TFDP1: variants seen among roughly 807,000 people sequenced by gnomAD.
TFDP1 encodes DRTF1-polypeptide 1.
In TFDP1, 6 loss-of-function variants were observed where a neutral mutation model predicts 48.0. That is an observed-to-expected ratio of 0.13 (90% confidence interval 0.07 to 0.25). The LOEUF is 0.25. Among genes scored for constraint, TFDP1 ranks in the 10% least tolerant of loss-of-function variants. The pLI is 1.00. For synonymous variants in TFDP1, 201 were observed against 211.6 expected (o/e 0.95, Z 0.44); for missense variants, 335 against 543.0 (o/e 0.62, Z 3.81).
rs569107455 is a variant in TFDP1, at chr13:113,589,065, G to C, written c.12+3216G>C. Among the ~76,000 whole-genome samples, 47 of 152,084 alleles carry C rather than the reference G, an allele frequency of 3.1e-4. 1 individual carries two copies. Among genetic ancestry groups the C allele is most frequent in the Admixed American group, 7.2e-4 (11 of 15,268 alleles). On this transcript the variant is annotated intron_variant, in intron 2 of 11. Transcript: ENST00000375370. ...AGTGAGTGGCGGTGCTGGAGTGGGTGATGTAGGGTCACAGAAGGAGGAAAC... is the reference window on the plus strand; with the variant it reads ...AGTGAGTGGCGGTGCTGGAGTGGGTCATGTAGGGTCACAGAAGGAGGAAAC...
Position 113,629,756 on chromosome 13 carries a change from G to A in TFDP1, c.187-1867G>A, listed in dbSNP as rs946249305. On this transcript the variant is annotated intron_variant, in intron 4 of 11. Coordinates refer to ENST00000375370, the MANE Select transcript of TFDP1 (RefSeq NM_007111.5). ...TCGGGATGTTCCTTGTAAGTTCCTC[G>A]TTGTAAGTCAGTTCCTCGTTGTAAG... is the stretch of plus-strand genomic sequence containing the variant. Among the ~76,000 whole-genome samples the A allele has an allele frequency of 2.8e-5, 4 of 144,988 alleles. No homozygotes were observed. The South Asian group carries it at 6.2e-4, about 23-fold the overall frequency.
intron 1 of TFDP1, 76 bp downstream of exon 1, chr13:113,584,964 T>A (rs946581174): frequency 6.2e-5 from 9 of 145,034 alleles, no homozygotes; most frequent in African/African-American, 2.2e-4. Context: ...GGCCACCCCA[T>A]CCCTTGCCCC....
At chr13:113,621,690 A>G (rs990578340) in intron 3 of TFDP1, among the ~76,000 whole-genome samples, 1 of 152,240 alleles carries the variant, frequency 6.6e-6, no homozygotes, top group Non-Finnish European at 1.5e-5. Flanking sequence ...GTCTAGCGGT[A>G]ACGCCAGCGT....
intron 3 of TFDP1, among the ~76,000 whole-genome samples, chr13:113,612,090 CTGGG>C (rs1274637132): frequency 6.6e-6 from 1 of 152,226 alleles, no homozygotes; most frequent in Non-Finnish European, 1.5e-5. Context: ...TGCCATGGCT[CTGGG>C]GCGTGGGAGT....
intron 2 of TFDP1, among the ~76,000 whole-genome samples, chr13:113,595,877 T>G (rs1221490031): frequency 6.6e-6 from 1 of 152,160 alleles, no homozygotes; most frequent in African/African-American, 2.4e-5. Context: ...GGTCAGGATA[T>G]CGAGACCATC....
At chr13:113,592,403 C>T (rs958856332) in intron 2 of TFDP1, among the ~76,000 whole-genome samples, 3 of 152,228 alleles carry the variant, frequency 2.0e-5, no homozygotes, top group Admixed American at 2.0e-4. Context: ...GTGATCCGCC[C>T]GCCTTGGCCT....
At chr13:113,593,003 G>A (rs1471651194) in intron 2 of TFDP1, among the ~76,000 whole-genome samples, 4 of 148,624 alleles carry the variant, frequency 2.7e-5, no homozygotes, top group Admixed American at 1.3e-4. Context: ...CTGTGCACGC[G>A]TCCTCAGCTA....
intron 3 of TFDP1, among the ~76,000 whole-genome samples, chr13:113,622,839 A>G (rs2049028126): frequency 6.6e-6 from 1 of 152,270 alleles, no homozygotes; most frequent in South Asian, 2.1e-4. Flanking sequence ...TTCTAGTTTT[A>G]AAATTCTGTT....
At chr13:113,587,518 TC>T (rs1242035676) in intron 2 of TFDP1, among the ~76,000 whole-genome samples, 2 of 139,410 alleles carry the variant, frequency 1.4e-5, no homozygotes, top group Non-Finnish European at 3.1e-5. Flanking sequence ...AGAGTCTCAC[TC>T]TGTCTCCCAA....
Position 113,640,686 on chromosome 13 carries a change from T to A in TFDP1, c.*419T>A, listed in dbSNP as rs897571382. The A allele has an allele frequency of 1.6e-5, 4 of 251,622 alleles. No individual in the cohort carries two copies. The highest frequency in any genetic ancestry group is 9.5e-5 in the African/African-American group (4 of 42,070). 15.6% of individuals were successfully genotyped at this position (251,622 alleles called of 1,614,324 possible). A position where few individuals can be genotyped will look rare whatever the true frequency, so the allele number is the denominator to read the frequency against. ...CCGTGAGTTTGGACGGCACCCCTGC[T>A]GGCGGATAGCAAGACTCTGTGGAGT... On this transcript the variant is annotated 3_prime_UTR_variant, in exon 12 of 12. Transcript: ENST00000375370.
rs2049497995 is a variant in TFDP1, at chr13:113,636,682, C to G, written c.988C>G (p.Leu330Val). Residue 330 changes from leucine (L) to valine (V), a missense_variant, in exon 10 of 12, where the codon CTG becomes GTG. Coordinates refer to ENST00000375370, the MANE Select transcript of TFDP1 (RefSeq NM_007111.5). ...GGCCAGAAGTCTGGTCCCCAAGGCT[C>G]TGGAGCCATACGTGACAGGTCAGCA... ...KMARSLVPKA[L>V]EPYVTEMAQG... 15 of 1,609,726 alleles carry G rather than the reference C, an allele frequency of 9.3e-6. No individual in the cohort carries two copies. Among genetic ancestry groups the G allele is most frequent in the Non-Finnish European group, 1.3e-5 (15 of 1,179,942 alleles).
At chr13:113,625,446 C>T (rs2049127100) in intron 4 of TFDP1, among the ~76,000 whole-genome samples, 1 of 103,516 alleles carries the variant, frequency 9.7e-6, no homozygotes, top group African/African-American at 4.8e-5. Flanking sequence ...CTCACATGTC[C>T]TCAGGTGTCT....
intron 2 of TFDP1, among the ~76,000 whole-genome samples, chr13:113,602,668 T>C (rs2140346571): frequency 6.6e-6 from 1 of 152,310 alleles, no homozygotes; most frequent in South Asian, 2.1e-4. Flanking sequence ...GGCTGTTGCG[T>C]AGGCAGAGTT....
intron 4 of TFDP1, among the ~76,000 whole-genome samples, chr13:113,625,966 G>A (rs1351228031): frequency 1.4e-5 from 2 of 142,952 alleles, no homozygotes; most frequent in African/African-American, 2.8e-5. Context: ...GTCCTCAGGC[G>A]TCTCTCACGT....
intron 2 of TFDP1, among the ~76,000 whole-genome samples, chr13:113,591,645 A>C (rs2048149734): frequency 6.6e-6 from 1 of 152,252 alleles, no homozygotes; most frequent in South Asian, 2.1e-4. Flanking sequence ...TTGTAGAACA[A>C]TTAGAAAATC....
In TFDP1 at chr13:113,605,882, C is replaced by T. The variant is rs183462839; in HGVS notation, c.13-5114C>T. ...CAGGGGATCCTGTGGGAAGGCGGTG[C>T]GGTGATGAGTGTCCAAGGCGGCGCG... On this transcript the variant is annotated intron_variant, in intron 2 of 11. Coordinates refer to ENST00000375370, the MANE Select transcript of TFDP1 (RefSeq NM_007111.5). Among the ~76,000 whole-genome samples, 262 of 136,594 alleles carry T rather than the reference C, an allele frequency of 1.9e-3. 6 individuals are homozygous for T. The highest frequency in any genetic ancestry group is 7.3e-3 in the African/African-American group (226 of 31,058). 89.6% of individuals were successfully genotyped at this position (136,594 alleles called of 152,430 possible).
In TFDP1 at chr13:113,605,529, C is replaced by T. The variant is rs57972431; in HGVS notation, c.13-5467C>T. ...GAGTGGCTCAATTGGGTGCTGCTGT[C>T]CTGGATTCTCATGCAGTTGCAGTTG... is the stretch of plus-strand genomic sequence containing the variant. On this transcript the variant is annotated intron_variant, in intron 2 of 11. Coordinates refer to ENST00000375370, the MANE Select transcript of TFDP1 (RefSeq NM_007111.5). Among the ~76,000 whole-genome samples the T allele has an allele frequency of 2.6e-5, 4 of 152,174 alleles. No individual in the cohort carries two copies. The South Asian group carries it at 6.2e-4, about 24-fold the overall frequency.
rs187050335 is a variant in TFDP1 at position 113,637,906 on chromosome 13, G to A, written c.1085+10G>A. 14 of 1,612,340 alleles carry A rather than the reference G, an allele frequency of 8.7e-6. No individual in the cohort carries two copies. In the South Asian group the frequency reaches 8.8e-5, roughly 10 times the overall value. ...CAAGGTTCTCTGCCAGGTGACAGTC[G>A]TTGAGGGTGTGGGAGAGGCGTCATC... On this transcript the variant is annotated intron_variant, in intron 11 of 11. Transcript: ENST00000375370.
rs369163232 is a variant in TFDP1, at chr13:113,633,620, G to A, written c.475-270G>A. On this transcript the variant is annotated intron_variant, in intron 6 of 11. Coordinates refer to ENST00000375370, the MANE Select transcript of TFDP1 (RefSeq NM_007111.5). The surrounding 1 kb of genome is among the most constrained non-coding windows in gnomAD (Gnocchi z 4.5). ...GTGAGCACGTGGGCTGGCTCTGCAC[G>A]TCTAGCGGCCCAGAAATGCACAAAT... Among the ~76,000 whole-genome samples the A allele has an allele frequency of 9.9e-5, 15 of 152,198 alleles. No individual in the cohort carries two copies. The highest frequency in any genetic ancestry group is 2.0e-4 in the Admixed American group (3 of 15,288).
Sources: gnomAD v4.1 joint callset for allele counts (sites outside exome capture counted in the v4.1 genomes callset) on GRCh38, gnomAD v4.1.1 for gene constraint, Gnocchi (gnomAD v3.1) non-coding constraint, MANE v1.5 for transcripts, NCBI Gene and HGNC (gene_info 2026-07-23, HGNC 2026-07-21) for gene names.